AIF1L: variants seen among roughly 807,000 people sequenced by gnomAD.
AIF1L encodes allograft inflammatory factor 1 like.
Under a neutral mutation model 20.7 loss-of-function variants are expected in AIF1L, and 12 were observed. The ratio of observed to expected loss-of-function variants is 0.58; its 90% CI spans 0.37 to 0.94. The LOEUF (loss-of-function observed/expected upper bound fraction) is 0.94, where lower values mean the gene tolerates loss of function less well. AIF1L is among the 40% of genes least tolerant of loss of function. The pLI is 0.01. For missense variants in AIF1L, 173 were observed against 185.3 expected, an observed-to-expected ratio of 0.93 and a Z score of 0.39; for synonymous variants, 76 against 65.1, an observed-to-expected ratio of 1.17 and a Z score of -0.81.
chr9:131,117,098 A>G (rs1831031754), intron 4 of AIF1L, among the ~76,000 whole-genome samples: 1 of 152,182 alleles, frequency 6.6e-6, no homozygotes, highest in African/African-American at 2.4e-5. Context: ...CTCGGGCTGG[A>G]GTGACATTCT....
chr9:131,113,497 C>CAAAAAAA (rs3057292), intron 3 of AIF1L, among the ~76,000 whole-genome samples: 25 of 49,316 alleles, frequency 5.1e-4, no homozygotes, highest in Non-Finnish European at 7.3e-4. Context: ...GACTCCATCT[C>CAAAAAAA]AAAAAAAAAA....
At chr9:131,104,990 T>G (rs947131591) in intron 2 of AIF1L, among the ~76,000 whole-genome samples, 1 of 152,190 alleles carries the variant, frequency 6.6e-6, no homozygotes, top group African/African-American at 2.4e-5. Flanking sequence ...TATTTTGCTT[T>G]TCTTCCAAAC....
chr9:131,116,375 T>G (rs552607978), intron 4 of AIF1L, among the ~76,000 whole-genome samples: 36 of 152,200 alleles, frequency 2.4e-4, no homozygotes, highest in African/African-American at 8.7e-4. Flanking sequence ...GCGGTTCTCC[T>G]GCCTCAGCCT....
intron 5 of AIF1L, among the ~76,000 whole-genome samples, chr9:131,118,830 G>A (rs1028691628): frequency 1.3e-5 from 2 of 152,146 alleles, no homozygotes; most frequent in Admixed American, 6.5e-5. Context: ...TTACAGGCGT[G>A]AGCCACCATG....
At chr9:131,119,893 C>T (rs78160327) in intron 5 of AIF1L, among the ~76,000 whole-genome samples, 3,957 of 152,244 alleles carry the variant, frequency 0.026, 156 homozygotes, top group African/African-American at 0.09. Context: ...GAGGCGTGGC[C>T]CAGCCTGGCT....
At chr9:131,100,291 G>A (rs1431886645) in intron 2 of AIF1L, among the ~76,000 whole-genome samples, 1 of 152,216 alleles carries the variant, frequency 6.6e-6, no homozygotes, top group Non-Finnish European at 1.5e-5. Context: ...AAGGGAGGTG[G>A]GGGAGCCGCA....
intron 2 of AIF1L, among the ~76,000 whole-genome samples, chr9:131,108,937 C>G (rs576066540): frequency 1.4e-4 from 22 of 152,260 alleles, no homozygotes; most frequent in African/African-American, 4.8e-4. Flanking sequence ...CTGCTTGAAG[C>G]CTCTTAGGAG....
Position 131,111,605 on chromosome 9 carries a change from G to A in AIF1L, c.102G>A (p.Leu34=). ...TCCTCTCACCTCTGTAGGAGTTTCT[G>A]TGTGACCAGAAGTACAGTGATGAAG... ...RRLAEINREF[L]CDQKYSDEEN... is the part of the protein sequence containing the mutation. The change falls in exon 3 of 6, where the codon CTG becomes CTA. Residue 34 remains leucine, a synonymous_variant. Coordinates refer to ENST00000247291, the MANE Select transcript of AIF1L (RefSeq NM_031426.4). 6.2e-7 allele frequency: 1 copy of A among 1,614,024 alleles called. No individual in the cohort carries two copies. The highest frequency in any genetic ancestry group is 8.5e-7 in the Non-Finnish European group (1 of 1,179,942).
intron 2 of AIF1L, among the ~76,000 whole-genome samples, chr9:131,102,520 G>T (rs972215067): frequency 6.6e-6 from 1 of 152,256 alleles, no homozygotes; most frequent in African/African-American, 2.4e-5. Context: ...TGAGGATTCA[G>T]TGTCCCCTGC....
intron 5 of AIF1L, among the ~76,000 whole-genome samples, chr9:131,119,079 A>T (rs901802671): frequency 2.6e-5 from 4 of 152,254 alleles, no homozygotes; most frequent in Non-Finnish European, 5.9e-5. Flanking sequence ...AATGACACTT[A>T]TGAAGATTTC....
In AIF1L at chr9:131,111,556, T is replaced by C. The variant is rs1206191600; in HGVS notation, c.94-41T>C. ...TGGGCCCATGTGTGGGTGACTTCTG[T>C]CCCCAGTCCCTTGCTCAGCACTGTC... On this transcript the variant is annotated intron_variant, in intron 2 of 5. Transcript: ENST00000247291. 3 of 1,590,244 alleles carry C rather than the reference T, an allele frequency of 1.9e-6. No individual in the cohort carries two copies. The South Asian group carries it at 3.3e-5, about 18-fold the overall frequency.
chr9:131,116,522 C>G (rs1259959006), intron 4 of AIF1L, among the ~76,000 whole-genome samples: 1 of 152,182 alleles, frequency 6.6e-6, no homozygotes, highest in East Asian at 1.9e-4. Flanking sequence ...CCTCGTCGTC[C>G]CAAAGTGCTG....
intron 2 of AIF1L, among the ~76,000 whole-genome samples, chr9:131,110,808 G>A (rs1456115435): frequency 2.0e-5 from 3 of 151,912 alleles, no homozygotes; most frequent in Non-Finnish European, 4.4e-5. Flanking sequence ...TGGCCTCACT[G>A]GATTTCTATA....
At chr9:131,100,643 C>T (rs1295005258) in intron 2 of AIF1L, among the ~76,000 whole-genome samples, 1 of 152,230 alleles carries the variant, frequency 6.6e-6, no homozygotes, top group African/African-American at 2.4e-5. Flanking sequence ...GCAGAACTGG[C>T]CAGCACCTCC....
rs575517345 is a variant in AIF1L, at chr9:131,121,372, C to G, written c.*1050C>G. The G allele has an allele frequency of 4.5e-6, 2 of 444,314 alleles. No individual in the cohort carries two copies. The highest frequency in any genetic ancestry group is 7.3e-5 in the East Asian group (2 of 27,584). 27.5% of individuals were successfully genotyped at this position (444,314 alleles called of 1,614,324 possible). On this transcript the variant is annotated 3_prime_UTR_variant, in exon 6 of 6. Transcript: ENST00000247291. ...ATGTTGTCCTGGCATGTGCAGTATA[C>G]ACGGTCTAACTCATCTCTCCCCAGA...
At position 131,117,652 on chromosome 9, in the gene AIF1L, C is replaced by T. The variant is rs6597677; in HGVS notation, c.203-104C>T. 1,179 of 1,281,814 alleles carry T rather than the reference C, an allele frequency of 9.2e-4. 5 individuals carry two copies. The African/African-American group carries it at 0.015, about 17-fold the overall frequency. The allele number at this position is 1,281,814 out of a possible 1,614,324, so 79.4% of individuals were successfully genotyped here. A position where few individuals can be genotyped will look rare whatever the true frequency, so the allele number is the denominator to read the frequency against. ...CTCCTCCCTAGAGAAGGAGTGCAGA[C>T]GCCAAGTTTCTAGGCGTGGGGTGCC... is the stretch of plus-strand genomic sequence containing the variant. On this transcript the variant is annotated intron_variant, in intron 4 of 5. Coordinates refer to ENST00000247291, the MANE Select transcript of AIF1L (RefSeq NM_031426.4).
chr9:131,117,034 A>C (rs1831029876), intron 4 of AIF1L, among the ~76,000 whole-genome samples: 3 of 152,056 alleles, frequency 2.0e-5, no homozygotes, highest in Non-Finnish European at 4.4e-5. Context: ...AGAACAATCC[A>C]AAGGAAATTG....
At chr9:131,099,053 G>C (rs1056152280) in intron 2 of AIF1L, among the ~76,000 whole-genome samples, 2 of 152,174 alleles carry the variant, frequency 1.3e-5, no homozygotes, top group East Asian at 1.9e-4. Flanking sequence ...CTGTGACTCT[G>C]GGCAAGCCAC....
chr9:131,102,953 G>A (rs185049908), intron 2 of AIF1L: 217 of 456,370 alleles, frequency 4.8e-4, no homozygotes, highest in African/African-American at 4.1e-3. Context: ...CAAGCCTGGA[G>A]GGCCAGGAGC....
Sources: allele counts gnomAD v4.1 joint callset (sites outside exome capture counted in the v4.1 genomes callset), GRCh38; gene constraint gnomAD v4.1.1; transcripts MANE v1.5; gene names NCBI Gene and HGNC (gene_info 2026-07-23, HGNC 2026-07-21).